GTF2A1L: variants seen among roughly 807,000 people sequenced by gnomAD.
The protein encoded by GTF2A1L is general transcription factor IIA subunit 1 like.
Under a neutral mutation model 49.7 loss-of-function variants are expected in GTF2A1L, and 48 were observed. The observed-to-expected ratio is 0.97, with a 90% confidence interval of 0.77 to 1.23. GTF2A1L has a LOEUF of 1.23. Among genes scored for constraint, GTF2A1L ranks in the 50% most tolerant of loss-of-function variants. The pLI is 0.00. For missense variants in GTF2A1L, 736 were observed against 564.8 expected, an observed-to-expected ratio of 1.30 and a Z score of -3.07; for synonymous variants, 246 against 193.5, an observed-to-expected ratio of 1.27 and a Z score of -2.25.
intron 6 of GTF2A1L, among the ~76,000 whole-genome samples, chr2:48,657,019 TG>T (rs1334188567): frequency 1.3e-5 from 2 of 152,232 alleles, no homozygotes; most frequent in East Asian, 3.8e-4. Flanking sequence ...GGTTTGTTGC[TG>T]GGATCTTTAT....
chr2:48,668,460 G>A (rs1351830836), intron 6 of GTF2A1L: 3 of 152,156 alleles, frequency 2.0e-5, no homozygotes, highest in Admixed American at 6.5e-5. Flanking sequence ...TAAGGAGCTT[G>A]ACATTTTATT....
chr2:48,658,816 T>C (rs6752326), intron 6 of GTF2A1L, among the ~76,000 whole-genome samples: 8,404 of 151,042 alleles, frequency 0.056, 785 homozygotes, highest in African/African-American at 0.19. Flanking sequence ...TTTTGTATTT[T>C]TGTGGGATTG....
intron 8 of GTF2A1L, among the ~76,000 whole-genome samples, chr2:48,677,504 G>GTC (rs1679534670): frequency 6.6e-6 from 1 of 151,976 alleles, no homozygotes. Flanking sequence ...GGCCAGAGCA[G>GTC]TAAGTGAGGA....
rs1304003664 is a variant in GTF2A1L, at chr2:48,645,131, C to A, written c.388+14C>A. On this transcript the variant is annotated intron_variant, in intron 5 of 8. Transcript: ENST00000403751. ...AGACTGTATCTGGTGAGAGTATATT[C>A]TAAGAATCTTTTTGTTTTCAGCATT... 1 of 1,579,312 alleles carries A rather than the reference C, an allele frequency of 6.3e-7. No homozygotes were observed. Among genetic ancestry groups the A allele is most frequent in the South Asian group, 1.2e-5 (1 of 83,690 alleles).
intron 6 of GTF2A1L, among the ~76,000 whole-genome samples, chr2:48,656,348 GTTTTT>G (rs367837291): frequency 5.2e-5 from 6 of 114,540 alleles, no homozygotes; most frequent in African/African-American, 1.7e-4. Context: ...CTTATTTTCT[GTTTTT>G]TTTTTTTTTT....
chr2:48,665,125 T>A (rs977283619), intron 6 of GTF2A1L, among the ~76,000 whole-genome samples: 8 of 152,122 alleles, frequency 5.3e-5, no homozygotes, highest in African/African-American at 1.9e-4. Context: ...TTTCACCATG[T>A]TAGTCAGGCT....
At chr2:48,631,694 T>C (rs1241045167) in intron 3 of GTF2A1L, among the ~76,000 whole-genome samples, 1 of 152,152 alleles carries the variant, frequency 6.6e-6, no homozygotes, top group Non-Finnish European at 1.5e-5. Flanking sequence ...TTATTTCTTT[T>C]CATCTGGCTC....
intron 8 of GTF2A1L, among the ~76,000 whole-genome samples, chr2:48,672,391 C>A (rs986986778): frequency 1.3e-5 from 2 of 152,082 alleles, no homozygotes; most frequent in Non-Finnish European, 2.9e-5. Flanking sequence ...TAGGAAAAAT[C>A]TGAACTTGGT....
intron 3 of GTF2A1L, among the ~76,000 whole-genome samples, chr2:48,637,580 C>T (rs1184258987): frequency 6.6e-6 from 1 of 152,114 alleles, no homozygotes. Flanking sequence ...GAAGCAAGAA[C>T]ACTTCAGCCC....
intron 4 of GTF2A1L, 131 bp from the exon 5 acceptor site, chr2:48,644,902 C>G: frequency 4.2e-6 from 3 of 710,924 alleles, no homozygotes; most frequent in East Asian, 2.9e-5. Context: ...GAACTCAGCC[C>G]TAATATTAAA....
chr2:48,672,781 A>C (rs1679242882), intron 8 of GTF2A1L, among the ~76,000 whole-genome samples: 1 of 152,242 alleles, frequency 6.6e-6, no homozygotes, highest in South Asian at 2.1e-4. Flanking sequence ...TTGAGATATA[A>C]TGAACATAGT....
chr2:48,671,651 G>A lies in GTF2A1L; in HGVS notation c.1300G>A (p.Asp434Asn). The part of the protein sequence containing the change: ...EQDVPDLFDT[D>N]NVIVCQYDKI... ...GGATGTGCCAGACCTGTTTGACACG[G>A]ATAATGTTATTGTCTGTCAGTATGA... The change falls in exon 8 of 9, where the codon GAT (aspartate) becomes AAT (asparagine). Residue 434 changes from aspartate (D) to asparagine (N), a missense_variant. By Grantham distance (23) the Asp-to-Asn change is conservative. Transcript: ENST00000403751. 1 of 1,613,590 alleles carries A rather than the reference G, an allele frequency of 6.2e-7. No homozygotes were observed. Among genetic ancestry groups the A allele is most frequent in the South Asian group, 1.1e-5 (1 of 90,956 alleles).
chr2:48,620,391 A>G (rs1328424398), intron 1 of GTF2A1L, among the ~76,000 whole-genome samples: 1 of 152,236 alleles, frequency 6.6e-6, no homozygotes, highest in African/African-American at 2.4e-5. Context: ...GGGAATAGGA[A>G]TGTACATAGT....
intron 6 of GTF2A1L, among the ~76,000 whole-genome samples, chr2:48,664,415 C>G (rs78254627): frequency 6.6e-6 from 1 of 151,448 alleles, no homozygotes; most frequent in African/African-American, 2.4e-5. Flanking sequence ...GTGAGATACA[C>G]TGATTGATTT....
intron 1 of GTF2A1L, among the ~76,000 whole-genome samples, chr2:48,620,036 C>A (rs1046915134): frequency 1.3e-5 from 2 of 152,126 alleles, no homozygotes; most frequent in African/African-American, 2.4e-5. Context: ...GTGAGATGAG[C>A]TTTAATTGCT....
chr2:48,659,090 C>T (rs1608568), intron 6 of GTF2A1L, among the ~76,000 whole-genome samples: 148,683 of 152,226 alleles, frequency 0.98, 72,633 homozygotes, highest in East Asian at 1. Context: ...TTGTACATGA[C>T]TTGACTTTTT....
chr2:48,667,160 T>C (rs1678895629), intron 6 of GTF2A1L, among the ~76,000 whole-genome samples: 1 of 151,494 alleles, frequency 6.6e-6, no homozygotes, highest in Non-Finnish European at 1.5e-5. Flanking sequence ...GATCTTGCTA[T>C]GTTTCCAAGA....
intron 7 of GTF2A1L, among the ~76,000 whole-genome samples, chr2:48,670,725 T>G (rs1679122114): frequency 1.3e-5 from 2 of 152,218 alleles, no homozygotes; most frequent in African/African-American, 4.8e-5. Flanking sequence ...TGGTTCTTAC[T>G]GCTATCCTGA....
At chr2:48,642,561 G>A in intron 4 of GTF2A1L, 104 bp downstream of exon 4, 1 of 1,136,708 alleles carries the variant, frequency 8.8e-7, no homozygotes, top group Non-Finnish European at 1.2e-6. Flanking sequence ...CCAGTTGAAA[G>A]TGAAAAGATG....
Sources: allele counts gnomAD v4.1 joint callset (sites outside exome capture counted in the v4.1 genomes callset), GRCh38; gene constraint gnomAD v4.1.1; transcripts MANE v1.5; gene names NCBI Gene and HGNC (gene_info 2026-07-23, HGNC 2026-07-21).